Variants in PRKG1 observed in about 807,000 individuals in gnomAD.
The protein encoded by PRKG1 is protein kinase cGMP-dependent 1.
PRKG1 carries 35 observed loss-of-function variants against 88.1 expected under a neutral mutation model. The observed-to-expected ratio is 0.40, with a 90% CI of 0.30 to 0.53. The LOEUF is 0.53. Ranked by LOEUF, PRKG1 falls within the 20% of genes least tolerant of loss-of-function variation. PRKG1 has a pLI of 0.59. For synonymous variants in PRKG1, 303 were observed against 292.5 expected, an observed-to-expected ratio of 1.04 and a Z score of -0.37; for missense variants, 540 against 839.8, an observed-to-expected ratio of 0.64 and a Z score of 4.41.
At chr10:51,665,050 T>G (rs78415024) in intron 3 of PRKG1, among the ~76,000 whole-genome samples, 1 of 152,168 alleles carries the variant, frequency 6.6e-6, no homozygotes, top group Non-Finnish European at 1.5e-5. Context: ...GCTATTCAAG[T>G]CTGTTGTCAC....
chr10:51,714,998 A>G (rs1841851446), intron 3 of PRKG1, among the ~76,000 whole-genome samples: 2 of 152,144 alleles, frequency 1.3e-5, no homozygotes, highest in Non-Finnish European at 2.9e-5. Flanking sequence ...GTATGCCACT[A>G]TTCTTTTTTT....
chr10:51,097,141 G>T (rs1399616077), intron 1 of PRKG1, among the ~76,000 whole-genome samples: 1 of 152,154 alleles, frequency 6.6e-6, no homozygotes, highest in Admixed American at 6.5e-5. Flanking sequence ...TATAATGCTG[G>T]TTGGCCATCT....
At chr10:52,166,407 T>C (rs1247421087) in intron 9 of PRKG1, among the ~76,000 whole-genome samples, 1 of 150,780 alleles carries the variant, frequency 6.6e-6, no homozygotes, top group East Asian at 1.9e-4. Flanking sequence ...ATAATTATTA[T>C]GAAATAATAG....
intron 3 of PRKG1, among the ~76,000 whole-genome samples, chr10:51,550,622 T>C (rs191365397): frequency 4.6e-5 from 7 of 152,128 alleles, no homozygotes. Flanking sequence ...GATAGTTTGA[T>C]AGATTCTCAT....
At chr10:51,467,130 C>T (rs1839925882) in intron 2 of PRKG1, among the ~76,000 whole-genome samples, 1 of 151,990 alleles carries the variant, frequency 6.6e-6, no homozygotes, top group African/African-American at 2.4e-5. Flanking sequence ...CTTTATCAAA[C>T]ATAAACTGTC....
In PRKG1 at chr10:51,417,136, T is replaced by C. The variant is rs140396846; in HGVS notation, c.479-50587T>C. 1.5e-3 allele frequency among the ~76,000 whole-genome samples: 221 copies of C among 152,340 alleles called. 1 individual carries two copies. The highest frequency in any genetic ancestry group is 5.0e-3 in the African/African-American group (209 of 41,584). On this transcript the variant is annotated intron_variant, in intron 2 of 17. Transcript: ENST00000373980. Reference sequence around the variant, plus strand: ...TTGTTTCAATAATCTTGTTTCTGTTTAATTATTATCACCAACAAGAAACCA... The same window carrying C: ...TTGTTTCAATAATCTTGTTTCTGTTCAATTATTATCACCAACAAGAAACCA...
intron 3 of PRKG1, among the ~76,000 whole-genome samples, chr10:51,565,226 G>A (rs1837568370): frequency 6.6e-6 from 1 of 151,740 alleles, no homozygotes; most frequent in Non-Finnish European, 1.5e-5. Context: ...AAACCCTAAA[G>A]GATTCACTCT....
chr10:51,799,364 C>CCCTA (rs1346819597), intron 3 of PRKG1, among the ~76,000 whole-genome samples: 2 of 151,980 alleles, frequency 1.3e-5, no homozygotes, highest in Admixed American at 6.6e-5. Context: ...TCTGACTACC[C>CCCTA]CCTAGCATCT....
intron 1 of PRKG1, among the ~76,000 whole-genome samples, chr10:51,057,595 T>A (rs147160378): frequency 6.8e-4 from 104 of 152,292 alleles, no homozygotes; most frequent in Non-Finnish European, 1.3e-3. Context: ...AGGTAACTAT[T>A]ATCTTCACCA....
At chr10:51,704,250 C>CAGATAGATAGAT (rs532903749) in intron 3 of PRKG1, among the ~76,000 whole-genome samples, 4 of 149,462 alleles carry the variant, frequency 2.7e-5, no homozygotes, top group East Asian at 3.9e-4. Context: ...GACAGACAGA[C>CAGATAGATAGAT]AGATAGATAG....
intron 2 of PRKG1, among the ~76,000 whole-genome samples, chr10:51,207,529 T>G (rs1838094088): frequency 6.6e-6 from 1 of 152,128 alleles, no homozygotes. Context: ...CTCTCGGGCT[T>G]GTGGAGTTGG....
chr10:52,041,339 G>A (rs74356685), intron 5 of PRKG1, among the ~76,000 whole-genome samples: 1 of 152,180 alleles, frequency 6.6e-6, no homozygotes, highest in Non-Finnish European at 1.5e-5. Context: ...CCTGATCATG[G>A]TGAATTATTT....
chr10:52,021,665 T>C (rs766914779), intron 5 of PRKG1, among the ~76,000 whole-genome samples: 3 of 152,216 alleles, frequency 2.0e-5, no homozygotes, highest in Non-Finnish European at 4.4e-5. Flanking sequence ...ATTTCAACTT[T>C]ATGTTTCATA....
At chr10:51,745,561 A>C (rs1273238566) in intron 3 of PRKG1, among the ~76,000 whole-genome samples, 1 of 152,196 alleles carries the variant, frequency 6.6e-6, no homozygotes, top group Non-Finnish European at 1.5e-5. Context: ...GTACATATAC[A>C]TATATATGTG....
At chr10:52,188,244 ATATATG>A (rs1211749192) in intron 9 of PRKG1, among the ~76,000 whole-genome samples, 7 of 3,298 alleles carry the variant, frequency 2.1e-3, no homozygotes, top group South Asian at 0.025. Flanking sequence ...ATATATACAT[ATATATG>A]TGTATATATA....
intron 2 of PRKG1, among the ~76,000 whole-genome samples, chr10:51,343,125 T>C (rs1394326559): frequency 6.6e-6 from 1 of 152,236 alleles, no homozygotes; most frequent in African/African-American, 2.4e-5. Flanking sequence ...TCCATGCTAC[T>C]ACTTTAGTTG....
intron 9 of PRKG1, among the ~76,000 whole-genome samples, chr10:52,239,520 G>GT (rs1409049776): frequency 2.4e-4 from 5 of 20,678 alleles, no homozygotes; most frequent in Middle Eastern, 0.017. Flanking sequence ...TTTCTACAGT[G>GT]TAAAAAAAAA....
At chr10:52,243,132 C>T (rs1840911058) in intron 9 of PRKG1, among the ~76,000 whole-genome samples, 1 of 151,892 alleles carries the variant, frequency 6.6e-6, no homozygotes. Context: ...TCATTTTTGG[C>T]CTTTAATTTT....
chr10:51,578,938 A>G (rs2132181765), intron 3 of PRKG1, among the ~76,000 whole-genome samples: 1 of 135,104 alleles, frequency 7.4e-6, no homozygotes, highest in East Asian at 2.2e-4. Flanking sequence ...GTGTGTTGCC[A>G]TTTAGCCATT....
Sources: gnomAD v4.1 joint callset for allele counts (sites outside exome capture counted in the v4.1 genomes callset) on GRCh38, gnomAD v4.1.1 for gene constraint, MANE v1.5 for transcripts, NCBI Gene and HGNC (gene_info 2026-07-23, HGNC 2026-07-21) for gene names.